The following MYO1E variants were observed in gnomAD, a reference collection of about 807,000 sequenced individuals.
The protein encoded by MYO1E is myosin IE, also known as unconventional myosin-Ie.
In MYO1E, 68 loss-of-function variants were observed where a neutral mutation model predicts 151.1. The observed-to-expected ratio is 0.45, with a 90% CI of 0.37 to 0.55. MYO1E has a LOEUF of 0.55. MYO1E is among the 20% of genes least tolerant of loss of function. The probability of loss-of-function intolerance (pLI) is 0.00; values close to 1 mark genes in which losing one functional copy is unlikely to be tolerated. For missense variants in MYO1E, 1,363 were observed against 1,389.3 expected (o/e 0.98, Z 0.30); for synonymous variants, 601 against 501.7 (o/e 1.20, Z -2.64).
chr15:59,354,450 A>G (rs548534528), intron 1 of MYO1E, among the ~76,000 whole-genome samples: 62 of 151,094 alleles, frequency 4.1e-4, no homozygotes, highest in African/African-American at 1.4e-3. Context: ...CTTTCATATC[A>G]GCAAAAGCAG....
chr15:59,216,666 G>GTGTGTGTGTGTGTGTGTGTGTGTGTT (rs777094542), intron 10 of MYO1E, among the ~76,000 whole-genome samples: 1 of 30,892 alleles, frequency 3.2e-5, no homozygotes, highest in African/African-American at 1.1e-4. Context: ...GTGTGTATGT[G>GTGTGTGTGTGTGTGTGTGTGTGTGTT]TATATATATA....
chr15:59,197,657 T>C (rs759268553), intron 16 of MYO1E, among the ~76,000 whole-genome samples: 2 of 152,254 alleles, frequency 1.3e-5, no homozygotes, highest in Non-Finnish European at 2.9e-5. Flanking sequence ...GCCCATGGGC[T>C]ACCAAGCCTG....
intron 19 of MYO1E, among the ~76,000 whole-genome samples, chr15:59,174,833 G>A (rs556005467): frequency 5.9e-5 from 9 of 152,224 alleles, no homozygotes; most frequent in Admixed American, 2.0e-4. Context: ...GGAGCTGGAC[G>A]TGAGGTGTGT....
Position 59,272,378 on chromosome 15 carries a change from C to A in MYO1E, c.75G>T (p.Val25=), listed in dbSNP as rs144382401. The A allele has an allele frequency of 1.2e-6, 2 of 1,613,924 alleles. No homozygotes were observed. Among genetic ancestry groups the A allele is most frequent in the Non-Finnish European group, 1.7e-6 (2 of 1,179,864 alleles). Residue 25 remains valine, a synonymous_variant, in exon 2 of 28, where the codon GTG becomes GTT. Transcript: ENST00000288235. The part of the protein sequence containing the change: ...NVKHSGVDDM[V]LLSKITENSI... ...AGTTCTCTGTGATCTTGGACAGTAG[C>A]ACCATGTCGTCCACACCACTGTGCT... is the stretch of plus-strand genomic sequence containing the variant.
At chr15:59,155,859 G>T (rs58531321) in intron 25 of MYO1E, among the ~76,000 whole-genome samples, 282 of 152,004 alleles carry the variant, frequency 1.9e-3, no homozygotes, top group African/African-American at 6.5e-3. Flanking sequence ...GCCCTTTTCT[G>T]GGGGGAAGGT....
intron 1 of MYO1E, among the ~76,000 whole-genome samples, chr15:59,323,038 G>A (rs1472175436): frequency 6.6e-6 from 1 of 151,322 alleles, no homozygotes; most frequent in Non-Finnish European, 1.5e-5. Context: ...GTATGGTGGT[G>A]GGCACCTGTA....
chr15:59,150,626 C>G (rs2079469894), intron 26 of MYO1E, among the ~76,000 whole-genome samples: 3 of 152,162 alleles, frequency 2.0e-5, no homozygotes, highest in Admixed American at 6.5e-5. Context: ...GCTCACCCAC[C>G]TGAAAGGTGT....
chr15:59,260,456 T>G (rs1481996864), intron 3 of MYO1E, among the ~76,000 whole-genome samples: 1 of 152,246 alleles, frequency 6.6e-6, no homozygotes, highest in Non-Finnish European at 1.5e-5. Context: ...GTGTGGGCTC[T>G]CTTTTGTTTG....
intron 26 of MYO1E, among the ~76,000 whole-genome samples, chr15:59,139,620 C>T (rs558680821): frequency 6.6e-6 from 1 of 151,040 alleles, no homozygotes; most frequent in Non-Finnish European, 1.5e-5. Flanking sequence ...CTGCAGACGG[C>T]CCTCCTACCC....
intron 6 of MYO1E, among the ~76,000 whole-genome samples, chr15:59,228,474 C>G (rs1172766232): frequency 9.9e-5 from 15 of 151,464 alleles, no homozygotes; most frequent in Non-Finnish European, 2.1e-4. Context: ...TGTCCAAAAA[C>G]CAAAATAAAA....
At chr15:59,202,001 C>G (rs540750132) in intron 16 of MYO1E, among the ~76,000 whole-genome samples, 1 of 152,348 alleles carries the variant, frequency 6.6e-6, no homozygotes, top group South Asian at 2.1e-4. Flanking sequence ...CAAAACATGG[C>G]TCCGAACCAT....
At chr15:59,180,628 CA>C (rs1209989032) in intron 18 of MYO1E, among the ~76,000 whole-genome samples, 1 of 151,548 alleles carries the variant, frequency 6.6e-6, no homozygotes, top group Non-Finnish European at 1.5e-5. Context: ...AGGGTCTTGG[CA>C]ATACATGGGA....
At chr15:59,281,419 G>A (rs1345762550) in intron 1 of MYO1E, among the ~76,000 whole-genome samples, 1 of 151,852 alleles carries the variant, frequency 6.6e-6, no homozygotes, top group East Asian at 1.9e-4. Context: ...GGGACTACAG[G>A]CGTGCACTAC....
In MYO1E at chr15:59,195,486, T is replaced by C. The variant is rs1371656117; in HGVS notation, c.1780A>G (p.Lys594Glu). The change falls in exon 17 of 28, where the codon AAG becomes GAG. Residue 594 changes from lysine (K) to glutamate (E), a missense_variant. By Grantham distance (56) the Lys-to-Glu change is moderately conservative (BLOSUM62 1). Coordinates refer to ENST00000288235, the MANE Select transcript of MYO1E (RefSeq NM_004998.4). ...IRCIKPNETK[K>E]PRDWEESRVK... ...CTGCTTTCCTCCCAGTCTCTGGGCT[T>C]CTTGGTTTCGTTTGGCTTGATGCAG... 1 of 1,614,086 alleles carries C rather than the reference T, an allele frequency of 6.2e-7. No homozygotes were observed. The highest frequency in any genetic ancestry group is 8.5e-7 in the Non-Finnish European group (1 of 1,179,926).
chr15:59,292,229 G>A (rs2080423902), intron 1 of MYO1E, among the ~76,000 whole-genome samples: 1 of 152,166 alleles, frequency 6.6e-6, no homozygotes. Context: ...AGTTTTACAG[G>A]ATTTCAAGGC....
chr15:59,144,150 CTTTT>C (rs1313717000), intron 26 of MYO1E, among the ~76,000 whole-genome samples: 31 of 151,834 alleles, frequency 2.0e-4, no homozygotes, highest in Non-Finnish European at 1.5e-4. Flanking sequence ...TTTCTTTTTC[CTTTT>C]ATTTATTTAT....
chr15:59,285,984 G>A (rs1319646001), intron 1 of MYO1E, among the ~76,000 whole-genome samples: 3 of 152,202 alleles, frequency 2.0e-5, no homozygotes, highest in Non-Finnish European at 2.9e-5. Flanking sequence ...CAATTACACA[G>A]CCAAGGTAAT....
intron 16 of MYO1E, among the ~76,000 whole-genome samples, chr15:59,197,194 T>C (rs2079772601): frequency 6.6e-6 from 1 of 152,098 alleles, no homozygotes. Context: ...GGTTTCACCA[T>C]GTTGGTCAGG....
At chr15:59,366,270 G>A (rs2080912482) in intron 1 of MYO1E, among the ~76,000 whole-genome samples, 1 of 150,904 alleles carries the variant, frequency 6.6e-6, no homozygotes, top group Admixed American at 6.6e-5. Flanking sequence ...TGAACCACAG[G>A]GCCCAGCCCT....
Sources: gnomAD v4.1 joint callset for allele counts (sites outside exome capture counted in the v4.1 genomes callset) on GRCh38, gnomAD v4.1.1 for gene constraint, MANE v1.5 for transcripts, NCBI Gene and HGNC (gene_info 2026-07-23, HGNC 2026-07-21) for gene names.